Variants in PARD3 observed in about 807,000 individuals in gnomAD.
PARD3 encodes the protein partitioning defective 3 homolog.
PARD3 carries 75 observed loss-of-function variants against 155.4 expected under a neutral mutation model. That is an observed-to-expected ratio of 0.48 (90% CI 0.40 to 0.58). The LOEUF is 0.58. PARD3 is among the 20% of genes least tolerant of loss of function. The pLI, the probability that PARD3 is intolerant of heterozygous loss-of-function variation, is 0.00. For missense variants in PARD3, 1,642 were observed against 1,721.7 expected (o/e 0.95, Z 0.82); for synonymous variants, 576 against 610.5 (o/e 0.94, Z 0.83).
intron 22 of PARD3, among the ~76,000 whole-genome samples, chr10:34,151,952 T>G (rs1948801907): frequency 6.6e-6 from 1 of 152,084 alleles, no homozygotes; most frequent in South Asian, 2.1e-4. Flanking sequence ...AATATACATA[T>G]ATAGTACTAA....
chr10:34,475,841 G>A lies in PARD3; in HGVS notation c.404-5578C>T, dbSNP rs146973825. 7.8e-3 allele frequency among the ~76,000 whole-genome samples: 1,192 copies of A among 152,150 alleles called. 12 individuals are homozygous for A. Among genetic ancestry groups the A allele is most frequent in the African/African-American group, 0.026 (1,086 of 41,516 alleles). On this transcript the variant is annotated intron_variant, in intron 3 of 24. Transcript: ENST00000374788. ...TATTGCCCATTTTTTGCCTTACAGT[G>A]ACAGGCTTGTGTCACTCATTTTTAA...
At chr10:34,288,713 G>A (rs181986777) in intron 20 of PARD3, among the ~76,000 whole-genome samples, 7 of 152,332 alleles carry the variant, frequency 4.6e-5, no homozygotes, top group East Asian at 1.9e-4. Context: ...AAAAGCCATG[G>A]ATGAATGTCA....
At chr10:34,660,890 A>C (rs139577225) in intron 2 of PARD3, among the ~76,000 whole-genome samples, 1 of 152,316 alleles carries the variant, frequency 6.6e-6, no homozygotes, top group East Asian at 1.9e-4. Flanking sequence ...GTTTCATTAT[A>C]ATTTTTTAAA....
At chr10:34,253,449 T>C (rs1246158240) in intron 22 of PARD3, among the ~76,000 whole-genome samples, 2 of 152,202 alleles carry the variant, frequency 1.3e-5, no homozygotes, top group African/African-American at 2.4e-5. Flanking sequence ...ACAGACCTAC[T>C]CTGGAACTGA....
chr10:34,745,766 C>A (rs1193899497), intron 1 of PARD3, among the ~76,000 whole-genome samples: 1 of 151,982 alleles, frequency 6.6e-6, no homozygotes, highest in Non-Finnish European at 1.5e-5. Context: ...CCACTATAGT[C>A]CATACTATGT....
At chr10:34,564,644 T>A (rs1225259663) in intron 2 of PARD3, among the ~76,000 whole-genome samples, 1 of 152,182 alleles carries the variant, frequency 6.6e-6, no homozygotes, top group Non-Finnish European at 1.5e-5. Context: ...ATTACTGCAT[T>A]ATGCAGTTAA....
chr10:34,706,335 C>T (rs544669968), intron 1 of PARD3, among the ~76,000 whole-genome samples: 262 of 152,300 alleles, frequency 1.7e-3, no homozygotes, highest in South Asian at 8.7e-3. Flanking sequence ...TTCCCAAGTC[C>T]TTTCTCAGAC....
chr10:34,618,154 T>G (rs966108150), intron 2 of PARD3, among the ~76,000 whole-genome samples: 9 of 152,344 alleles, frequency 5.9e-5, no homozygotes, highest in Middle Eastern at 3.4e-3. Flanking sequence ...CTTCCTAATC[T>G]GTATTTAAAT....
At chr10:34,505,133 G>A (rs1403472348) in intron 3 of PARD3, among the ~76,000 whole-genome samples, 9 of 152,144 alleles carry the variant, frequency 5.9e-5, no homozygotes, top group East Asian at 3.8e-4. Context: ...TGTAACACAC[G>A]TCTTACTACC....
At chr10:34,345,859 A>T in intron 15 of PARD3, 1 of 985,280 alleles carries the variant, frequency 1.0e-6, no homozygotes, top group Non-Finnish European at 1.2e-6. Context: ...AAGATACTAG[A>T]ATAAGGACTG....
intron 22 of PARD3, among the ~76,000 whole-genome samples, chr10:34,251,924 T>C (rs761136648): frequency 7.2e-5 from 11 of 152,140 alleles, no homozygotes; most frequent in Non-Finnish European, 1.6e-4. Context: ...TGAATGTCTG[T>C]GTGGTAGAAC....
chr10:34,801,546 G>C (rs1231150447), intron 1 of PARD3, among the ~76,000 whole-genome samples: 2 of 152,160 alleles, frequency 1.3e-5, no homozygotes, highest in Non-Finnish European at 2.9e-5. Context: ...CCCAGAATGT[G>C]AATGAGCCTT....
chr10:34,796,321 G>A (rs528315145), intron 1 of PARD3, among the ~76,000 whole-genome samples: 9 of 152,148 alleles, frequency 5.9e-5, no homozygotes, highest in Admixed American at 1.3e-4. Flanking sequence ...CAAGTGGCAC[G>A]GAAGAATAAC....
chr10:34,405,906 G>T lies in PARD3; in HGVS notation c.715-3989C>A, dbSNP rs369515610. Among the ~76,000 whole-genome samples, 241 of 152,310 alleles carry T rather than the reference G, an allele frequency of 1.6e-3. 2 individuals are homozygous for T. Among genetic ancestry groups the T allele is most frequent in the African/African-American group, 5.6e-3 (231 of 41,558 alleles). On this transcript the variant is annotated intron_variant, in intron 5 of 24. Coordinates refer to ENST00000374788, the MANE Select transcript of PARD3 (RefSeq NM_001184785.2). ...ACAGGGAGTATCTTTGCTTGCTGCTGTCAGAGGAGATCTTATACCTATCTT... is the reference window on the plus strand; with the variant it reads ...ACAGGGAGTATCTTTGCTTGCTGCTTTCAGAGGAGATCTTATACCTATCTT...
intron 5 of PARD3, among the ~76,000 whole-genome samples, chr10:34,424,921 A>G (rs1473086729): frequency 1.3e-5 from 2 of 152,194 alleles, no homozygotes; most frequent in Admixed American, 6.5e-5. Flanking sequence ...ATTAAAACAA[A>G]GAAGATTCCT....
At chr10:34,405,483 T>C in intron 5 of PARD3, among the ~76,000 whole-genome samples, 1 of 152,270 alleles carries the variant, frequency 6.6e-6, no homozygotes, top group East Asian at 1.9e-4. Flanking sequence ...TACAAAATAT[T>C]TTCAATGTAG....
intron 2 of PARD3, among the ~76,000 whole-genome samples, chr10:34,610,632 G>A (rs1590221447): frequency 6.6e-6 from 1 of 152,172 alleles, no homozygotes; most frequent in South Asian, 2.1e-4. Context: ...CCTAGAATAC[G>A]CTAGACAGAT....
intron 2 of PARD3, among the ~76,000 whole-genome samples, chr10:34,643,287 CTG>C (rs774679595): frequency 1.3e-5 from 2 of 152,242 alleles, no homozygotes; most frequent in Non-Finnish European, 2.9e-5. Context: ...CAGCTCCTAA[CTG>C]TGCGTCCTCA....
intron 5 of PARD3, among the ~76,000 whole-genome samples, chr10:34,432,309 T>C (rs993163101): frequency 6.9e-6 from 1 of 144,866 alleles, no homozygotes; most frequent in African/African-American, 2.6e-5. Flanking sequence ...ACAGGTGCTG[T>C]GAAAATAGAA....
Sources: gnomAD v4.1 joint callset for allele counts (sites outside exome capture counted in the v4.1 genomes callset) on GRCh38, gnomAD v4.1.1 for gene constraint, MANE v1.5 for transcripts, NCBI Gene and HGNC (gene_info 2026-07-23, HGNC 2026-07-21) for gene names.